SIL1: variants seen among roughly 807,000 people sequenced by gnomAD.
SIL1 encodes SIL1 nucleotide exchange factor, also known as nucleotide exchange factor SIL1.
Under a neutral mutation model 49.1 loss-of-function variants are expected in SIL1, and 40 were observed. The ratio of observed to expected loss-of-function variants is 0.81; its 90% CI spans 0.63 to 1.06. The LOEUF (loss-of-function observed/expected upper bound fraction) is 1.06. Ranked by LOEUF, SIL1 falls within the 50% of genes least tolerant of loss-of-function variation. SIL1 has a pLI of 0.00. For missense variants in SIL1, 500 were observed against 572.6 expected, an observed-to-expected ratio of 0.87 and a Z score of 1.29; for synonymous variants, 253 against 250.8, an observed-to-expected ratio of 1.01 and a Z score of -0.08.
At chr5:138,999,505 T>A (rs980572053) in intron 7 of SIL1, among the ~76,000 whole-genome samples, 1 of 151,860 alleles carries the variant, frequency 6.6e-6, no homozygotes, top group African/African-American at 2.4e-5. Flanking sequence ...GTAAAAAAAA[T>A]GAAAATATTA....
chr5:139,050,798 C>A (rs554179477), intron 4 of SIL1, 140 bp downstream of exon 4: 205 of 750,864 alleles, frequency 2.7e-4, no homozygotes, highest in Non-Finnish European at 9.0e-5. Context: ...TTCATAAAAC[C>A]CTGACAGATT....
At chr5:139,049,560 A>G (rs1769242570) in intron 4 of SIL1, among the ~76,000 whole-genome samples, 1 of 152,178 alleles carries the variant, frequency 6.6e-6, no homozygotes, top group Admixed American at 6.5e-5. Context: ...AGGCCAGGGC[A>G]GGAAGATCAC....
chr5:139,108,643 CT>C (rs1337061921), intron 3 of SIL1, among the ~76,000 whole-genome samples: 3 of 152,214 alleles, frequency 2.0e-5, no homozygotes, highest in Admixed American at 2.0e-4. Context: ...CAAATCCCCT[CT>C]CTGGCAACGC....
chr5:139,013,771 G>C (rs542782268), intron 7 of SIL1: 4 of 152,196 alleles, frequency 2.6e-5, no homozygotes, highest in Admixed American at 2.6e-4. Context: ...AAGTCTCCCA[G>C]TGCTGTTTTG....
intron 7 of SIL1, among the ~76,000 whole-genome samples, chr5:138,999,899 G>T (rs1767952128): frequency 6.6e-6 from 1 of 152,002 alleles, no homozygotes; most frequent in African/African-American, 2.4e-5. Flanking sequence ...CTCAGAAAAA[G>T]AAAAAAGTTC....
At position 138,998,559 on chromosome 5, in the gene SIL1, G is replaced by A. The variant is rs111687842; in HGVS notation, c.767+22612C>T. ...AGCATGGTGTCGGCATCTGATTCTG[G>A]TAAGGGCCTCAGGAAGTTTATAATC... On this transcript the variant is annotated intron_variant, in intron 7 of 9. Transcript: ENST00000394817. 3.6e-3 allele frequency among the ~76,000 whole-genome samples: 554 copies of A among 152,260 alleles called. 1 individual carries two copies. The highest frequency in any genetic ancestry group is 0.027 in the Middle Eastern group (8 of 294).
At chr5:139,054,426 T>C (rs1340049788) in intron 3 of SIL1, among the ~76,000 whole-genome samples, 3 of 151,920 alleles carry the variant, frequency 2.0e-5, no homozygotes, top group Non-Finnish European at 4.4e-5. Context: ...AAAAAAATAA[T>C]AATTATTTGT....
chr5:138,957,710 CT>C (rs1320519941), intron 7 of SIL1, among the ~76,000 whole-genome samples: 3 of 152,074 alleles, frequency 2.0e-5, no homozygotes, highest in African/African-American at 7.2e-5. Flanking sequence ...CACAGATTTT[CT>C]TTTTTAAAAT....
chr5:139,154,540 A>G (rs1751370631), intron 1 of SIL1, among the ~76,000 whole-genome samples: 1 of 152,216 alleles, frequency 6.6e-6, no homozygotes, highest in African/African-American at 2.4e-5. Flanking sequence ...TACATAACAC[A>G]TGCTTGATTA....
At chr5:139,131,604 C>T (rs146561927) in intron 1 of SIL1, 3 of 152,232 alleles carry the variant, frequency 2.0e-5, no homozygotes, top group Admixed American at 1.3e-4. Flanking sequence ...CAGCTCCCCC[C>T]CTCTTTTTTT....
At chr5:139,138,172 C>G (rs976271347) in intron 1 of SIL1, among the ~76,000 whole-genome samples, 1 of 151,788 alleles carries the variant, frequency 6.6e-6, no homozygotes, top group Non-Finnish European at 1.5e-5. Flanking sequence ...CAAACCACAA[C>G]CACACACACC....
intron 7 of SIL1, among the ~76,000 whole-genome samples, chr5:138,970,594 CCT>C (rs1412250771): frequency 6.6e-6 from 1 of 152,078 alleles, no homozygotes; most frequent in Non-Finnish European, 1.5e-5. Context: ...GTGCCAAGGC[CCT>C]CTCTCAGCCT....
intron 5 of SIL1, chr5:139,035,945 G>C (rs1192096821): frequency 6.6e-6 from 1 of 152,470 alleles, no homozygotes; most frequent in East Asian, 1.9e-4. Flanking sequence ...CACCACGCCC[G>C]GCCAGGCATA....
chr5:139,008,674 T>A (rs1345205982), intron 7 of SIL1, among the ~76,000 whole-genome samples: 6 of 149,472 alleles, frequency 4.0e-5, no homozygotes, highest in Non-Finnish European at 7.5e-5. Context: ...TTTGTTCTCA[T>A]TGGTTTCAAA....
At chr5:139,055,622 C>CCCCT (rs1561844807) in intron 3 of SIL1, among the ~76,000 whole-genome samples, 2 of 100,162 alleles carry the variant, frequency 2.0e-5, no homozygotes, top group African/African-American at 4.9e-5. Context: ...CCCTCTCCCC[C>CCCCT]TCTCCCCCTC....
At chr5:139,011,046 G>A (rs893698286) in intron 7 of SIL1, among the ~76,000 whole-genome samples, 4 of 147,442 alleles carry the variant, frequency 2.7e-5, no homozygotes, top group African/African-American at 9.9e-5. Flanking sequence ...GCAATGGCGG[G>A]CGCCCCTCCC....
intron 3 of SIL1, among the ~76,000 whole-genome samples, chr5:139,093,066 C>T (rs530350468): frequency 4.5e-4 from 68 of 152,290 alleles, no homozygotes; most frequent in African/African-American, 1.5e-3. Flanking sequence ...AAGGCTGAAA[C>T]GCGAGGACTT....
At chr5:138,960,828 C>G (rs575274516) in intron 7 of SIL1, among the ~76,000 whole-genome samples, 4 of 152,206 alleles carry the variant, frequency 2.6e-5, no homozygotes, top group Admixed American at 1.3e-4. Context: ...AAATGATTTC[C>G]TGAAACGCAG....
chr5:139,173,430 A>C (rs1751814665), intron 1 of SIL1, among the ~76,000 whole-genome samples: 1 of 151,998 alleles, frequency 6.6e-6, no homozygotes, highest in South Asian at 2.1e-4. Flanking sequence ...GGAGCCTATA[A>C]TCCCAGCTAC....
Sources: allele counts gnomAD v4.1 joint callset (sites outside exome capture counted in the v4.1 genomes callset), GRCh38; gene constraint gnomAD v4.1.1; transcripts MANE v1.5; gene names NCBI Gene and HGNC (gene_info 2026-07-23, HGNC 2026-07-21).